Variants in NYX observed in about 807,000 individuals in gnomAD.
NYX encodes nyctalopin.
For missense variants in NYX, 481 were observed against 485.4 expected (o/e 0.99, Z 0.09); for synonymous variants, 258 against 245.7 (o/e 1.05, Z -0.47).
At chrX:41,460,031 C>A (rs1327148321) in intron 2 of NYX, among the ~76,000 whole-genome samples, 3 of 110,965 alleles carry the variant, frequency 2.7e-5, no homozygotes, top group African/African-American at 9.8e-5. Context: ...TGTTCTCCAT[C>A]CTCATCAACA....
At chrX:41,458,792 G>A (rs1281563295) in intron 2 of NYX, among the ~76,000 whole-genome samples, 1 of 103,937 alleles carries the variant, frequency 9.6e-6, no homozygotes, top group Non-Finnish European at 2.0e-5. Context: ...TTAAAAGCTG[G>A]TTGTTGGCCA....
At chrX:41,457,191 A>T (rs2064301424) in intron 2 of NYX, among the ~76,000 whole-genome samples, 1 of 109,371 alleles carries the variant, frequency 9.1e-6, no homozygotes, top group Admixed American at 9.9e-5. Context: ...CTGTAATCCC[A>T]GCTACTCGGG....
In NYX at chrX:41,474,753, A is replaced by C; in HGVS notation, c.1285A>C (p.Thr429Pro). Residue 429 changes from threonine to proline, a missense_variant, in exon 3 of 3, where the codon ACT (threonine) becomes CCT (proline). Thr to Pro is a conservative substitution (Grantham distance 38, BLOSUM62 -1). Coordinates refer to ENST00000378220, the MANE Select transcript of NYX (RefSeq NM_001378477.3). ...CCCGGTGGAGGAGGCGGCCAACACCACTGGGGGGCTGGCCAACGCCTCCCT... is the reference window on the plus strand; with the variant it reads ...CCCGGTGGAGGAGGCGGCCAACACCCCTGGGGGGCTGGCCAACGCCTCCCT... ...RVPVEEAANT[T>P]GGLANASLSD... The C allele has an allele frequency of 8.4e-7, 1 of 1,191,330 alleles. No homozygotes were observed. Among genetic ancestry groups the C allele is most frequent in the Non-Finnish European group, 1.1e-6 (1 of 887,000 alleles).
Position 41,473,762 on chromosome X carries a change from C to A in NYX, c.294C>A (p.Pro98=). 8.7e-7 allele frequency: 1 copy of A among 1,150,432 alleles called. No individual in the cohort carries two copies. The allele number at this position is 1,150,432 out of a possible 1,213,427, so 94.8% of individuals were successfully genotyped here. The part of the protein sequence containing the change: ...LRHNNLSFIT[P]GAFKGLPRLA... ...ACAACAACCTGTCCTTCATCACGCC[C>A]GGCGCCTTCAAGGGCCTGCCGCGCC... Residue 98 remains proline, a synonymous_variant, in exon 3 of 3, where the codon CCC becomes CCA. Transcript: ENST00000378220.
In NYX at chrX:41,450,830, T is replaced by TATATA. The variant is rs1569262101; in HGVS notation, c.22+2904_22+2905insATATA. Among the ~76,000 whole-genome samples the TATATA allele has an allele frequency of 5.3e-4, 8 of 15,108 alleles. No individual in the cohort carries two copies. In the Admixed American group the frequency reaches 7.4e-3, roughly 14 times the overall value. The allele number at this position is 15,108 out of a possible 115,157, so 13.1% of individuals were successfully genotyped here. ...CTGGCTAATATATATATATATATATTTTTTTTTTTTTTTTTTTTTTTTTTT... is the reference window on the plus strand; with the variant it reads ...CTGGCTAATATATATATATATATATTATATATTTTTTTTTTTTTTTTTTTTTTTTT... On this transcript the variant is annotated intron_variant, in intron 2 of 2. Coordinates refer to ENST00000378220, the MANE Select transcript of NYX (RefSeq NM_001378477.3).
At chrX:41,447,715 A>T (rs2064263167) in intron 1 of NYX, 134 bp from the exon 2 acceptor site, 1 of 508,534 alleles carries the variant, frequency 2.0e-6, no homozygotes, top group Non-Finnish European at 3.5e-6. Flanking sequence ...CCTTAGCCCA[A>T]CACCAGGGTC....
rs745492565 is a variant in NYX at position 41,473,719 on chromosome X, G to A, written c.251G>A (p.Arg84His). The A allele has an allele frequency of 4.3e-6, 5 of 1,151,747 alleles. No homozygotes were observed. Among genetic ancestry groups the A allele is most frequent in the South Asian group, 1.9e-5 (1 of 52,444 alleles). The allele number at this position is 1,151,747 out of a possible 1,213,427, so 94.9% of individuals were successfully genotyped here. ...GCCTTCGGCACGCTGCCGTCCTTGCGCCGCCTGTCGCTGCGCCACAACAAC... is the reference window on the plus strand; with the variant it reads ...GCCTTCGGCACGCTGCCGTCCTTGCACCGCCTGTCGCTGCGCCACAACAAC... ...ERAFGTLPSL[R>H]RLSLRHNNLS... Residue 84 changes from arginine to histidine, a missense_variant, in exon 3 of 3, where the codon CGC becomes CAC. Transcript: ENST00000378220.
At chrX:41,459,609 ACT>A (rs1294764163) in intron 2 of NYX, among the ~76,000 whole-genome samples, 1 of 102,768 alleles carries the variant, frequency 9.7e-6, no homozygotes, top group Non-Finnish European at 2.0e-5. Context: ...ACAGAGCAAG[ACT>A]CTGTCTTGGG....
intron 2 of NYX, among the ~76,000 whole-genome samples, chrX:41,471,298 G>C (rs1057325363): frequency 9.0e-6 from 1 of 111,374 alleles, no homozygotes; most frequent in Non-Finnish European, 1.9e-5. Context: ...TTTTAGTAGA[G>C]ACGGGGTTTC....
rs753939171 is a variant in NYX, at chrX:41,473,236, C to T, written c.23-255C>T. Among the ~76,000 whole-genome samples, 15 of 111,599 alleles carry T rather than the reference C, an allele frequency of 1.3e-4. No individual in the cohort carries two copies. The East Asian group carries it at 4.3e-3, about 32-fold the overall frequency. On this transcript the variant is annotated intron_variant, in intron 2 of 2. Transcript: ENST00000378220. ...AGGAGGGAGTTTAGAACGGGGTCAG[C>T]TGCAGGGATTGCAGCTGGGTTTTGC...
Position 41,475,004 on chromosome X carries a change from G to A in NYX, c.*105G>A. On this transcript the variant is annotated 3_prime_UTR_variant, in exon 3 of 3. Coordinates refer to ENST00000378220, the MANE Select transcript of NYX (RefSeq NM_001378477.3). ...AGAGGTGAAAATCCCAGTGGAGGGT[G>A]GAAGGAACCGTTTGCCTCCAGAGAT... 2.6e-6 allele frequency: 2 copies of A among 758,253 alleles called. No homozygotes were observed. The highest frequency in any genetic ancestry group is 3.9e-6 in the Non-Finnish European group (2 of 508,319). The allele number at this position is 758,253 out of a possible 1,213,427, so 62.5% of individuals were successfully genotyped here.
rs1419873538 is a variant in NYX, at chrX:41,453,297, G to A, written c.22+5371G>A. On this transcript the variant is annotated intron_variant, in intron 2 of 2. Coordinates refer to ENST00000378220, the MANE Select transcript of NYX (RefSeq NM_001378477.3). ...GGCCATCCCTGCCTCCTTGCAGCTC[G>A]GGGGCTGGCCAGGACACCCGATAGG... Among the ~76,000 whole-genome samples the A allele has an allele frequency of 8.1e-5, 9 of 111,227 alleles. No homozygotes were observed. The East Asian group carries it at 1.4e-3, about 18-fold the overall frequency.
intron 2 of NYX, among the ~76,000 whole-genome samples, chrX:41,467,039 G>A (rs940491441): frequency 3.4e-4 from 37 of 109,236 alleles, no homozygotes; most frequent in Admixed American, 6.0e-4. Context: ...CCTGACCTCC[G>A]GTGATCCACC....
At chrX:41,450,846 T>A (rs1329644808) in intron 2 of NYX, among the ~76,000 whole-genome samples, 27 of 88,602 alleles carry the variant, frequency 3.0e-4, no homozygotes, top group Middle Eastern at 5.6e-3. Context: ...TTTTTTTTTT[T>A]TTTTTTTTTG....
intron 2 of NYX, among the ~76,000 whole-genome samples, chrX:41,450,811 A>AATATATATAT (rs1183287949): frequency 8.7e-5 from 3 of 34,356 alleles, no homozygotes; most frequent in African/African-American, 4.1e-4. Context: ...ACACCTGGCT[A>AATATATATAT]ATATATATAT....
intron 2 of NYX, among the ~76,000 whole-genome samples, chrX:41,460,876 ATTTTTTTTTT>A (rs59383905): frequency 1.8e-3 from 44 of 24,779 alleles, no homozygotes; most frequent in South Asian, 5.1e-3. Flanking sequence ...CACAGTATGT[ATTTTTTTTTT>A]TTTTTTTTTT....
chrX:41,458,215 G>A (rs1224900678), intron 2 of NYX, among the ~76,000 whole-genome samples: 2 of 111,918 alleles, frequency 1.8e-5, no homozygotes, highest in Admixed American at 1.9e-4. Context: ...TCTCCAACAC[G>A]TGAACTTAGG....
chrX:41,467,102 C>A lies in NYX; in HGVS notation c.23-6389C>A, dbSNP rs994537216. Among the ~76,000 whole-genome samples the A allele has an allele frequency of 3.6e-5, 4 of 110,074 alleles. No individual in the cohort carries two copies. In the East Asian group the frequency reaches 1.1e-3, roughly 31 times the overall value. On this transcript the variant is annotated intron_variant, in intron 2 of 2. Coordinates refer to ENST00000378220, the MANE Select transcript of NYX (RefSeq NM_001378477.3). ...TACAGGTGTGAGCCACCACGCCCAG[C>A]TAAAACAATTTTTTTAAAAAAATTT... is the stretch of plus-strand genomic sequence containing the variant.
At position 41,474,488 on chromosome X, in the gene NYX, G is replaced by A. The variant is rs143486101; in HGVS notation, c.1020G>A (p.Glu340=). 1,329 of 1,207,463 alleles carry A rather than the reference G, an allele frequency of 1.1e-3. 3 individuals are homozygous for A. Among genetic ancestry groups the A allele is most frequent in the Non-Finnish European group, 1.4e-3 (1,221 of 894,987 alleles). The change falls in exon 3 of 3, where the codon GAG becomes GAA. Residue 340 remains glutamate (E), a synonymous_variant. Transcript: ENST00000378220. ...RNPWCCDCRL[E]WLRDWMEGSG... is the part of the protein sequence containing the mutation. ...CGTGGTGCTGCGACTGCCGTCTGGA[G>A]TGGCTGAGGGACTGGATGGAGGGCT...
Sources: gnomAD v4.1 joint callset for allele counts (sites outside exome capture counted in the v4.1 genomes callset) on GRCh38, gnomAD v4.1.1 for gene constraint, MANE v1.5 for transcripts, NCBI Gene and HGNC (gene_info 2026-07-23, HGNC 2026-07-21) for gene names.